The following B3GALT1 variants were observed in gnomAD, a reference collection of about 807,000 sequenced individuals.
B3GALT1 encodes the protein UDP-Gal:betaGlcNAc beta 1,3-galactosyltransferase, polypeptide 1.
Under a neutral mutation model 23.2 loss-of-function variants are expected in B3GALT1, and 10 were observed. The ratio of observed to expected loss-of-function variants is 0.43; its 90% CI spans 0.27 to 0.73. B3GALT1 has a LOEUF of 0.73. Among genes scored for constraint, B3GALT1 ranks in the 30% least tolerant of loss-of-function variants. The pLI is 0.21. For missense variants in B3GALT1, 299 were observed against 405.4 expected (o/e 0.74, Z 2.25); for synonymous variants, 156 against 141.5 (o/e 1.10, Z -0.73).
At chr2:167,668,961 C>G (rs953553857) in intron 3 of B3GALT1, among the ~76,000 whole-genome samples, 2 of 152,198 alleles carry the variant, frequency 1.3e-5, no homozygotes, top group Admixed American at 6.5e-5. Flanking sequence ...ATTTGGCCAT[C>G]CTATCCCATT....
At chr2:167,358,581 C>T (rs1697452879) in intron 1 of B3GALT1, among the ~76,000 whole-genome samples, 1 of 151,938 alleles carries the variant, frequency 6.6e-6, no homozygotes. Flanking sequence ...CTATTTCAAA[C>T]AGGGCTCAAT....
chr2:167,393,376 A>T (rs1224879545), intron 1 of B3GALT1, among the ~76,000 whole-genome samples: 1 of 151,994 alleles, frequency 6.6e-6, no homozygotes, highest in Non-Finnish European at 1.5e-5. Context: ...CAAGATACTC[A>T]AGAGCAGGGA....
intron 1 of B3GALT1, among the ~76,000 whole-genome samples, chr2:167,297,416 T>C (rs1209580268): frequency 6.6e-6 from 1 of 151,872 alleles, no homozygotes; most frequent in Non-Finnish European, 1.5e-5. Flanking sequence ...AACTAGGTTT[T>C]GAGGTCAAAG....
intron 3 of B3GALT1, among the ~76,000 whole-genome samples, chr2:167,688,953 G>A (rs11890154): frequency 0.15 from 22,188 of 151,906 alleles, 1,676 homozygotes; most frequent in Middle Eastern, 0.21. Context: ...CAGACATGTT[G>A]ACATGAACCT....
intron 1 of B3GALT1, among the ~76,000 whole-genome samples, chr2:167,304,951 G>A (rs1472268741): frequency 6.6e-6 from 1 of 152,142 alleles, no homozygotes; most frequent in African/African-American, 2.4e-5. Context: ...ACCTCAAGCT[G>A]AGAGCAAATT....
In B3GALT1 at chr2:167,457,195, C is replaced by T. The variant is rs1019997934; in HGVS notation, c.-510-32982C>T. Among the ~76,000 whole-genome samples the T allele has an allele frequency of 7.9e-5, 12 of 152,030 alleles. No homozygotes were observed. In the East Asian group the frequency reaches 9.8e-4, roughly 12 times the overall value. Reference sequence around the variant, plus strand: ...TCTTTTTTATTATTATTTTTTGAGACGGAGTCTTACTTTGTCACCCAGGCT... The same window carrying T: ...TCTTTTTTATTATTATTTTTTGAGATGGAGTCTTACTTTGTCACCCAGGCT... On this transcript the variant is annotated intron_variant, in intron 1 of 4. Transcript: ENST00000392690.
chr2:167,745,833 G>T (rs1318497618), intron 3 of B3GALT1, among the ~76,000 whole-genome samples: 1 of 151,754 alleles, frequency 6.6e-6, no homozygotes, highest in Non-Finnish European at 1.5e-5. Flanking sequence ...ATCAGTTCTG[G>T]AAATTTTTCA....
intron 3 of B3GALT1, among the ~76,000 whole-genome samples, chr2:167,668,186 G>C (rs913697183): frequency 6.6e-6 from 1 of 151,956 alleles, no homozygotes; most frequent in Admixed American, 6.6e-5. Context: ...ACCCTCAGCT[G>C]CAGGTCTGTT....
At chr2:167,730,356 C>A (rs1028837541) in intron 3 of B3GALT1, among the ~76,000 whole-genome samples, 2 of 152,164 alleles carry the variant, frequency 1.3e-5, no homozygotes, top group Non-Finnish European at 2.9e-5. Context: ...TTAGAAAGCT[C>A]TTCAAACTTC....
At chr2:167,463,810 A>G (rs939131921) in intron 1 of B3GALT1, among the ~76,000 whole-genome samples, 1 of 152,226 alleles carries the variant, frequency 6.6e-6, no homozygotes, top group African/African-American at 2.4e-5. Context: ...ATTTGATTTG[A>G]GCTTCTTTGA....
intron 1 of B3GALT1, among the ~76,000 whole-genome samples, chr2:167,403,174 C>T (rs1698219743): frequency 8.9e-6 from 1 of 112,320 alleles, no homozygotes; most frequent in Non-Finnish European, 1.8e-5. Context: ...CCTCCCCCCT[C>T]CCCCCACCCC....
intron 1 of B3GALT1, among the ~76,000 whole-genome samples, chr2:167,388,833 A>G (rs1015999281): frequency 3.3e-5 from 5 of 152,180 alleles, no homozygotes; most frequent in African/African-American, 1.2e-4. Flanking sequence ...ATAAGAATAC[A>G]ATAGCAATTC....
chr2:167,512,747 C>T (rs1166399084), intron 2 of B3GALT1, among the ~76,000 whole-genome samples: 2 of 146,978 alleles, frequency 1.4e-5, no homozygotes, highest in Non-Finnish European at 3.0e-5. Flanking sequence ...AATGATCCTC[C>T]CACCTCAGCC....
At chr2:167,533,670 C>A (rs1337447165) in intron 2 of B3GALT1, among the ~76,000 whole-genome samples, 1 of 152,140 alleles carries the variant, frequency 6.6e-6, no homozygotes, top group South Asian at 2.1e-4. Context: ...CTATTTTTAA[C>A]CACTCTAATT....
intron 3 of B3GALT1, among the ~76,000 whole-genome samples, chr2:167,801,489 T>G (rs1161959384): frequency 6.6e-6 from 1 of 152,216 alleles, no homozygotes; most frequent in East Asian, 1.9e-4. Context: ...TGGCTTTATT[T>G]TCACTATTGC....
chr2:167,866,423 G>A (rs1364247280), intron 4 of B3GALT1, among the ~76,000 whole-genome samples: 1 of 152,152 alleles, frequency 6.6e-6, no homozygotes, highest in African/African-American at 2.4e-5. Context: ...GAGGAGTATG[G>A]ATTCTGTTTC....
At chr2:167,520,493 C>G (rs1453780711) in intron 2 of B3GALT1, among the ~76,000 whole-genome samples, 2 of 152,070 alleles carry the variant, frequency 1.3e-5, no homozygotes, top group African/African-American at 4.8e-5. Flanking sequence ...AGTTTTCTTC[C>G]TAAATCTTTG....
chr2:167,407,508 A>C (rs184353657), intron 1 of B3GALT1, among the ~76,000 whole-genome samples: 2 of 152,192 alleles, frequency 1.3e-5, no homozygotes, highest in Admixed American at 1.3e-4. Context: ...GAAATAAATG[A>C]AATTAAGACA....
chr2:167,332,745 A>G (rs913675102), intron 1 of B3GALT1, among the ~76,000 whole-genome samples: 6 of 152,358 alleles, frequency 3.9e-5, no homozygotes, highest in African/African-American at 1.4e-4. Context: ...GATTTTTGCC[A>G]CATAGACAGC....
Sources: allele counts gnomAD v4.1 joint callset (sites outside exome capture counted in the v4.1 genomes callset), GRCh38; gene constraint gnomAD v4.1.1; transcripts MANE v1.5; gene names NCBI Gene and HGNC (gene_info 2026-07-23, HGNC 2026-07-21).